Variants in GPC5 observed in about 807,000 individuals in gnomAD.
GPC5 encodes the protein glypican-5.
A neutral mutation model predicts 53.9 loss-of-function variants in GPC5; 47 were observed. The ratio of observed to expected loss-of-function variants is 0.87; its 90% CI spans 0.69 to 1.11. GPC5 has a LOEUF of 1.11. Among genes scored for constraint, GPC5 ranks in the 50% most tolerant of loss-of-function variants. GPC5 has a pLI of 0.00. For synonymous variants in GPC5, 286 were observed against 263.3 expected (o/e 1.09, Z -0.84); for missense variants, 748 against 713.1 (o/e 1.05, Z -0.56).
At chr13:92,361,269 G>T (rs1213856617) in intron 7 of GPC5, among the ~76,000 whole-genome samples, 3 of 151,650 alleles carry the variant, frequency 2.0e-5, no homozygotes, top group Admixed American at 6.6e-5. Flanking sequence ...TTGTGGGTCG[G>T]GTTGGGGGGA....
Position 92,681,569 on chromosome 13 carries a change from C to T in GPC5, c.1562-184713C>T, listed in dbSNP as rs10507994. On this transcript the variant is annotated intron_variant, in intron 7 of 7. Coordinates refer to ENST00000377067, the MANE Select transcript of GPC5 (RefSeq NM_004466.6). ...GCAAATCTTATCATGTTGCACCTTA[C>T]GACATCTTTGAATCACACCTACTTG... Among the ~76,000 whole-genome samples, 11 of 152,222 alleles carry T rather than the reference C, an allele frequency of 7.2e-5. No homozygotes were observed. The South Asian group carries it at 1.2e-3, about 17-fold the overall frequency.
chr13:92,841,536 G>A (rs901634954), intron 7 of GPC5, among the ~76,000 whole-genome samples: 2 of 152,016 alleles, frequency 1.3e-5, no homozygotes, highest in Non-Finnish European at 2.9e-5. Context: ...CTGACTCCAA[G>A]ATAGCATTTC....
At chr13:92,760,663 G>A (rs1875129121) in intron 7 of GPC5, among the ~76,000 whole-genome samples, 1 of 148,792 alleles carries the variant, frequency 6.7e-6, no homozygotes, top group Non-Finnish European at 1.5e-5. Context: ...ATTTACTTTT[G>A]TTTCGATTTT....
chr13:92,447,337 C>T (rs1877868670), intron 7 of GPC5: 1 of 151,998 alleles, frequency 6.6e-6, no homozygotes, highest in Non-Finnish European at 1.5e-5. Flanking sequence ...AGTCTAGTCT[C>T]TTTGGTCTTT....
At chr13:91,911,159 A>G (rs1392074049) in intron 6 of GPC5, among the ~76,000 whole-genome samples, 1 of 152,162 alleles carries the variant, frequency 6.6e-6, no homozygotes, top group Non-Finnish European at 1.5e-5. Context: ...AAGGGAGGAG[A>G]TAAACATACC....
chr13:92,546,143 A>G (rs1314550222), intron 7 of GPC5, among the ~76,000 whole-genome samples: 2 of 152,114 alleles, frequency 1.3e-5, no homozygotes, highest in Non-Finnish European at 2.9e-5. Context: ...TATTCAACAT[A>G]GTGTTGGAAG....
intron 7 of GPC5, among the ~76,000 whole-genome samples, chr13:92,785,612 G>T (rs1200678278): frequency 6.6e-6 from 1 of 152,164 alleles, no homozygotes; most frequent in Non-Finnish European, 1.5e-5. Flanking sequence ...TCATATAGTG[G>T]CTTGATTTAT....
rs1594082542 is a variant in GPC5, at chr13:91,433,204, T to A, written c.164-15557T>A. 2.0e-5 allele frequency among the ~76,000 whole-genome samples: 3 copies of A among 152,228 alleles called. No individual in the cohort carries two copies. The East Asian group carries it at 5.8e-4, about 29-fold the overall frequency. ...TTGACTGCTTCTTCCCAGGCTCTTT[T>A]TTTTTTTAATTATACTTTAAGTTTT... On this transcript the variant is annotated intron_variant, in intron 1 of 7. Coordinates refer to ENST00000377067, the MANE Select transcript of GPC5 (RefSeq NM_004466.6).
chr13:91,793,305 C>T (rs1171115514), intron 5 of GPC5, among the ~76,000 whole-genome samples: 1 of 152,078 alleles, frequency 6.6e-6, no homozygotes, highest in African/African-American at 2.4e-5. Context: ...GGAAAAACCG[C>T]CCCCATGATT....
rs116416078 is a variant in GPC5 at position 91,779,613 on chromosome 13, G to A, written c.1280+23193G>A. Among the ~76,000 whole-genome samples, 1,022 of 152,198 alleles carry A rather than the reference G, an allele frequency of 6.7e-3. 9 individuals are homozygous for A. Among genetic ancestry groups the A allele is most frequent in the African/African-American group, 0.023 (962 of 41,522 alleles). On this transcript the variant is annotated intron_variant, in intron 5 of 7. Coordinates refer to ENST00000377067, the MANE Select transcript of GPC5 (RefSeq NM_004466.6). ...TGGGCTCAAGTGGTCTGCCTGGCTC[G>A]ACCTCCCAAAGGGCTGGGATTACAG... is the stretch of plus-strand genomic sequence containing the variant.
intron 5 of GPC5, among the ~76,000 whole-genome samples, chr13:91,873,262 A>G (rs954924745): frequency 2.6e-5 from 4 of 152,140 alleles, no homozygotes; most frequent in Non-Finnish European, 5.9e-5. Context: ...TGATTAAGAG[A>G]ATGGACTCTA....
intron 2 of GPC5, among the ~76,000 whole-genome samples, chr13:91,521,725 T>C (rs918043072): frequency 2.0e-5 from 3 of 152,156 alleles, no homozygotes; most frequent in Admixed American, 1.3e-4. Context: ...GGAACACCAG[T>C]TGGGTGTCTT....
At chr13:91,691,214 G>A (rs1455198987) in intron 2 of GPC5, among the ~76,000 whole-genome samples, 2 of 152,192 alleles carry the variant, frequency 1.3e-5, no homozygotes, top group Non-Finnish European at 2.9e-5. Context: ...AGAGCAGAGA[G>A]AATATTTTAC....
At chr13:91,444,868 G>A (rs184895109) in intron 1 of GPC5, among the ~76,000 whole-genome samples, 347 of 152,250 alleles carry the variant, frequency 2.3e-3, no homozygotes, top group African/African-American at 6.3e-3. Flanking sequence ...TAGGAGCCCC[G>A]CTTTACTTGT....
At chr13:92,381,998 C>G (rs1180553380) in intron 7 of GPC5, among the ~76,000 whole-genome samples, 3 of 143,068 alleles carry the variant, frequency 2.1e-5, no homozygotes, top group Non-Finnish European at 4.5e-5. Context: ...ATCTATCTAT[C>G]TATCTATATA....
intron 7 of GPC5, among the ~76,000 whole-genome samples, chr13:92,639,356 A>G (rs868154694): frequency 3.3e-5 from 5 of 152,358 alleles, no homozygotes; most frequent in Admixed American, 1.3e-4. Context: ...CATTCCAGCT[A>G]AGCTGTGTTT....
intron 1 of GPC5, among the ~76,000 whole-genome samples, chr13:91,407,372 T>A (rs979538282): frequency 2.0e-5 from 3 of 152,218 alleles, no homozygotes; most frequent in African/African-American, 7.2e-5. Context: ...AAAGGAGTAT[T>A]CTCAGATGTC....
chr13:92,428,070 C>CAA (rs1876915188), intron 7 of GPC5, among the ~76,000 whole-genome samples: 1 of 151,854 alleles, frequency 6.6e-6, no homozygotes, highest in Admixed American at 6.6e-5. Context: ...TATTAATCAA[C>CAA]AAAAAAGAGA....
At chr13:91,514,300 A>G (rs1320918175) in intron 2 of GPC5, among the ~76,000 whole-genome samples, 2 of 152,188 alleles carry the variant, frequency 1.3e-5, no homozygotes, top group Non-Finnish European at 2.9e-5. Flanking sequence ...AGTATGAGTG[A>G]GCCAACATTT....
Sources: allele counts gnomAD v4.1 joint callset (sites outside exome capture counted in the v4.1 genomes callset), GRCh38; gene constraint gnomAD v4.1.1; transcripts MANE v1.5; gene names NCBI Gene and HGNC (gene_info 2026-07-23, HGNC 2026-07-21).